SLC25A14: variants seen among roughly 807,000 people sequenced by gnomAD.
The protein encoded by SLC25A14 is brain mitochondrial carrier protein 1.
In SLC25A14, 8 loss-of-function variants were observed where a neutral mutation model predicts 28.1. The ratio of observed to expected loss-of-function variants is 0.28; its 90% CI spans 0.17 to 0.51. The LOEUF is 0.51. Ranked by LOEUF, SLC25A14 falls within the 20% of genes least tolerant of loss-of-function variation. SLC25A14 has a pLI of 0.97. For missense variants in SLC25A14, 135 were observed against 263.8 expected (o/e 0.51, Z 3.38); for synonymous variants, 74 against 90.6 (o/e 0.82, Z 1.04).
At chrX:130,369,371 C>G (rs1227508143) in intron 9 of SLC25A14, among the ~76,000 whole-genome samples, 1 of 111,585 alleles carries the variant, frequency 9.0e-6, no homozygotes, top group Admixed American at 9.5e-5. Flanking sequence ...CAAATACTTA[C>G]GGGAAAATTT....
At chrX:130,349,449 A>G (rs749860245) in intron 5 of SLC25A14, 104 bp downstream of exon 5, 2 of 440,661 alleles carry the variant, frequency 4.5e-6, no homozygotes, top group African/African-American at 5.0e-5. Context: ...GAGGAGAGTC[A>G]CTGCAAAGAC....
At chrX:130,365,007 C>A in intron 8 of SLC25A14, 1 of 835,668 alleles carries the variant, frequency 1.2e-6, no homozygotes, top group Non-Finnish European at 1.5e-6. Context: ...TACATTTATC[C>A]ATACATAGCT....
intron 2 of SLC25A14, among the ~76,000 whole-genome samples, chrX:130,341,548 C>T (rs1431194640): frequency 1.8e-5 from 2 of 111,700 alleles, no homozygotes; most frequent in African/African-American, 6.5e-5. Flanking sequence ...AAGGAGAAAG[C>T]AGGAGAGGCA....
chrX:130,370,398 A>G (rs2034234378), intron 9 of SLC25A14, among the ~76,000 whole-genome samples: 1 of 112,033 alleles, frequency 8.9e-6, no homozygotes, highest in Non-Finnish European at 1.9e-5. Flanking sequence ...TTCAATGTCT[A>G]ACACAATGCC....
At chrX:130,358,858 C>T in intron 7 of SLC25A14, 123 bp downstream of exon 7, 7 of 642,541 alleles carry the variant, frequency 1.1e-5, no homozygotes, top group Non-Finnish European at 1.5e-5. Flanking sequence ...AGAAACTCCT[C>T]ATCTCCCTTG....
At chrX:130,343,369 A>C (rs2033326092) in intron 2 of SLC25A14, among the ~76,000 whole-genome samples, 1 of 111,983 alleles carries the variant, frequency 8.9e-6, no homozygotes, top group Non-Finnish European at 1.9e-5. Flanking sequence ...GTGATAAGGT[A>C]GTATTTAGTC....
chrX:130,363,740 A>T (rs1254793553), intron 7 of SLC25A14, among the ~76,000 whole-genome samples: 1 of 110,981 alleles, frequency 9.0e-6, no homozygotes, highest in African/African-American at 3.3e-5. Context: ...TAATTTTTTT[A>T]AATTTTTTTT....
In SLC25A14 at chrX:130,340,293, C is replaced by T; in HGVS notation, c.15C>T (p.Pro5=). Reference sequence around the variant, plus strand: ...CCAGAGGGTGAATGGGTATCTTTCCCGGAATAATCCTAATTTTTCTAAGGG... The same window carrying T: ...CCAGAGGGTGAATGGGTATCTTTCCTGGAATAATCCTAATTTTTCTAAGGG... MGIF[P]GIILIFLRVK... Residue 5 remains proline (P), a synonymous_variant, in exon 2 of 11, where the codon CCC becomes CCT. Transcript: ENST00000545805. 8.3e-7 allele frequency: 1 copy of T among 1,210,704 alleles called. No homozygotes were observed. Among genetic ancestry groups the T allele is most frequent in the Non-Finnish European group, 1.1e-6 (1 of 894,645 alleles).
chrX:130,350,021 G>A (rs151278672), intron 5 of SLC25A14, among the ~76,000 whole-genome samples: 3 of 111,015 alleles, frequency 2.7e-5, no homozygotes, highest in Non-Finnish European at 5.7e-5. Flanking sequence ...CTATTTGTGG[G>A]GTCTTCATGG....
chrX:130,364,957 C>T (rs913605434), intron 8 of SLC25A14: 3 of 950,260 alleles, frequency 3.2e-6, no homozygotes. Flanking sequence ...TACTTGGGAA[C>T]ATTGTCTAAT....
At chrX:130,370,952 T>A (rs73564054) in intron 9 of SLC25A14, among the ~76,000 whole-genome samples, 4,881 of 111,461 alleles carry the variant, frequency 0.044, 280 homozygotes, top group African/African-American at 0.15. Context: ...GGCTGTCTCC[T>A]GAGGTTGTAG....
intron 3 of SLC25A14, among the ~76,000 whole-genome samples, chrX:130,345,477 C>CT (rs2033404283): frequency 9.0e-6 from 1 of 111,285 alleles, no homozygotes; most frequent in African/African-American, 3.3e-5. Flanking sequence ...CTAAGGAAAG[C>CT]TTTTTTGGTA....
At chrX:130,356,217 CTTTTTTTTTTTTTTTTTT>C (rs145822008) in intron 6 of SLC25A14, among the ~76,000 whole-genome samples, 2 of 52,055 alleles carry the variant, frequency 3.8e-5, no homozygotes, top group African/African-American at 8.4e-5. Flanking sequence ...CAAGGGCAAT[CTTTTTTTTTTTTTTTTTT>C]TTTTTTTTTG....
At chrX:130,370,085 T>A (rs2034227353) in intron 9 of SLC25A14, among the ~76,000 whole-genome samples, 1 of 111,754 alleles carries the variant, frequency 8.9e-6, no homozygotes, top group South Asian at 3.8e-4. Context: ...ATCTGGGCTT[T>A]ATTTGGGGTG....
intron 7 of SLC25A14, among the ~76,000 whole-genome samples, chrX:130,361,288 T>C (rs1451352459): frequency 4.5e-5 from 5 of 112,312 alleles, no homozygotes. Context: ...ATTCTTTTGG[T>C]TATATAGCCG....
intron 7 of SLC25A14, among the ~76,000 whole-genome samples, chrX:130,360,081 C>CTT (rs767830129): frequency 2.4e-5 from 2 of 81,634 alleles, no homozygotes; most frequent in African/African-American, 4.4e-5. Context: ...TTTTTTTTTT[C>CTT]TTTTTTTTTT....
chrX:130,359,141 T>G, intron 7 of SLC25A14: 1 of 531,803 alleles, frequency 1.9e-6, no homozygotes, highest in Non-Finnish European at 2.9e-6. Flanking sequence ...TCACTTGAGG[T>G]CAGAAGTTCA....
intron 6 of SLC25A14, among the ~76,000 whole-genome samples, chrX:130,358,147 T>C (rs372316525): frequency 2.7e-5 from 3 of 112,282 alleles, no homozygotes. Context: ...GATATAGTAC[T>C]TCGCAATTTT....
intron 6 of SLC25A14, among the ~76,000 whole-genome samples, chrX:130,358,414 G>A (rs1408856600): frequency 8.9e-6 from 1 of 112,040 alleles, no homozygotes; most frequent in Non-Finnish European, 1.9e-5. Context: ...TGTGAGGAAT[G>A]TGAGGCCGAT....
Sources: gnomAD v4.1 joint callset for allele counts (sites outside exome capture counted in the v4.1 genomes callset) on GRCh38, gnomAD v4.1.1 for gene constraint, MANE v1.5 for transcripts, NCBI Gene and HGNC (gene_info 2026-07-23, HGNC 2026-07-21) for gene names.